MICOS10: variants seen among roughly 807,000 people sequenced by gnomAD.
MICOS10 encodes the protein MICOS complex subunit MIC10.
In MICOS10, 5 loss-of-function variants were observed where a neutral mutation model predicts 13.4. The observed-to-expected ratio is 0.37, with a 90% CI of 0.20 to 0.78. The LOEUF is 0.78. Ranked by LOEUF, MICOS10 falls within the 30% of genes least tolerant of loss-of-function variation. The pLI is 0.47. For synonymous variants in MICOS10, 35 were observed against 33.6 expected, an observed-to-expected ratio of 1.04 and a Z score of -0.15; for missense variants, 101 against 94.6, an observed-to-expected ratio of 1.07 and a Z score of -0.28.
chr1:19,622,103 C>T lies in MICOS10; in HGVS notation c.68C>T (p.Thr23Ile). 1 of 1,611,246 alleles carries T rather than the reference C, an allele frequency of 6.2e-7. No homozygotes were observed. Residue 23 changes from threonine (T) to isoleucine (I), a missense_variant, in exon 2 of 4, where the codon ACT becomes ATT. Thr to Ile is a moderately conservative substitution (Grantham distance 89). Transcript: ENST00000322753. Reference sequence around the variant, plus strand: ...TGTTTTTTCTCCCTCTTTGTAGGTACTGGTTTTGGATTAGGAATTGTTTTC... The same window carrying T: ...TGTTTTTTCTCCCTCTTTGTAGGTATTGGTTTTGGATTAGGAATTGTTTTC... ...CLADAVVKIG[T>I]GFGLGIVFSL...
chr1:19,608,073 T>TAAG, intron 1 of MICOS10: 1 of 834,784 alleles, frequency 1.2e-6, no homozygotes, highest in Non-Finnish European at 2.1e-6. Flanking sequence ...ATAAAACCTA[T>TAAG]AAGAGCTTTC....
intron 1 of MICOS10, among the ~76,000 whole-genome samples, chr1:19,600,358 T>C (rs1272662624): frequency 6.6e-6 from 1 of 152,172 alleles, no homozygotes; most frequent in Non-Finnish European, 1.5e-5. Flanking sequence ...GTCTGAGTCG[T>C]CTTTGAAACC....
At chr1:19,625,279 G>A (rs2094917955) in intron 3 of MICOS10, 3 of 1,101,522 alleles carry the variant, frequency 2.7e-6, no homozygotes, top group Admixed American at 3.1e-5. Context: ...AACAAGTAGA[G>A]TGGAAAATGT....
At chr1:19,608,516 A>G in intron 1 of MICOS10, 1 of 1,084,142 alleles carries the variant, frequency 9.2e-7, no homozygotes, top group African/African-American at 1.5e-5. Context: ...CGTCACCCCC[A>G]TCCCCTCTGA....
chr1:19,629,474 G>C lies in MICOS10; in HGVS notation c.*3073G>C, dbSNP rs997323524. On this transcript the variant is annotated 3_prime_UTR_variant, in exon 4 of 4. Coordinates refer to ENST00000322753, the MANE Select transcript of MICOS10 (RefSeq NM_001032363.4). ...CTTTGGCATTCCATGTACCCACTAG[G>C]GGAAGCTTTATCAGGCTGCATTTGC... is the stretch of plus-strand genomic sequence containing the variant. The C allele has an allele frequency of 6.6e-6, 1 of 152,198 alleles. No homozygotes were observed. The allele number at this position is 152,198 out of a possible 1,614,324, so 9.4% of individuals were successfully genotyped here. A position where few individuals can be genotyped will look rare whatever the true frequency, so the allele number is the denominator to read the frequency against.
chr1:19,603,132 C>T (rs1203294593), intron 1 of MICOS10, among the ~76,000 whole-genome samples: 1 of 151,998 alleles, frequency 6.6e-6, no homozygotes, highest in Non-Finnish European at 1.5e-5. Context: ...GAGTTCGAGA[C>T]CAGCCTGGAC....
chr1:19,601,248 A>T (rs538665746), intron 1 of MICOS10: 447 of 339,034 alleles, frequency 1.3e-3, no homozygotes, highest in South Asian at 1.7e-3. Flanking sequence ...AGAGGCATTT[A>T]TTTATAAATA....
intron 1 of MICOS10, among the ~76,000 whole-genome samples, chr1:19,613,842 C>G (rs555002943): frequency 3.9e-5 from 6 of 152,172 alleles, no homozygotes; most frequent in Non-Finnish European, 8.8e-5. Context: ...AGCACCACGC[C>G]TCTGGAGTCA....
chr1:19,620,411 T>A lies in MICOS10; in HGVS notation c.65-1689T>A, dbSNP rs1473376211. Among the ~76,000 whole-genome samples the A allele has an allele frequency of 2.6e-5, 4 of 152,240 alleles. No individual in the cohort carries two copies. In the East Asian group the frequency reaches 5.8e-4, roughly 22 times the overall value. On this transcript the variant is annotated intron_variant, in intron 1 of 3. Coordinates refer to ENST00000322753, the MANE Select transcript of MICOS10 (RefSeq NM_001032363.4). Reference sequence around the variant, plus strand: ...CACCATTGTTTATCTTTTAAGTAACTGAGATAGCTAACTTTAAGTAAAACA... The same window carrying A: ...CACCATTGTTTATCTTTTAAGTAACAGAGATAGCTAACTTTAAGTAAAACA...
rs12094411 is a variant in MICOS10 at position 19,602,248 on chromosome 1, G to A, written c.64+5139G>A. ...TGTATTGCTGAGAATTTTGTAGACCGTTCTCTGCCCATATTTGCTTCTCAG... is the reference window on the plus strand; with the variant it reads ...TGTATTGCTGAGAATTTTGTAGACCATTCTCTGCCCATATTTGCTTCTCAG... On this transcript the variant is annotated intron_variant, in intron 1 of 3. Transcript: ENST00000322753. 6.2e-3 allele frequency among the ~76,000 whole-genome samples: 941 copies of A among 152,238 alleles called. 3 individuals are homozygous for A. Among genetic ancestry groups the A allele is most frequent in the African/African-American group, 0.021 (885 of 41,526 alleles).
intron 1 of MICOS10, 149 bp downstream of exon 1, chr1:19,597,258 C>G (rs2094795491): frequency 1.2e-6 from 1 of 804,986 alleles, no homozygotes; most frequent in Non-Finnish European, 1.9e-6. Flanking sequence ...CCGCCCGGGC[C>G]CCGGCGGGAG....
chr1:19,613,595 C>T lies in MICOS10; in HGVS notation c.65-8505C>T, dbSNP rs183967234. 1.3e-3 allele frequency among the ~76,000 whole-genome samples: 194 copies of T among 152,272 alleles called. 1 individual carries two copies. Among genetic ancestry groups the T allele is most frequent in the South Asian group, 4.8e-3 (23 of 4,824 alleles). ...CTTTGTGGGTCTGATTATCAGTTGG[C>T]TCCAACACTGGAACAGTGAACATAG... is the stretch of plus-strand genomic sequence containing the variant. On this transcript the variant is annotated intron_variant, in intron 1 of 3. Coordinates refer to ENST00000322753, the MANE Select transcript of MICOS10 (RefSeq NM_001032363.4).
chr1:19,612,827 T>A (rs1361167537), intron 1 of MICOS10, among the ~76,000 whole-genome samples: 1 of 152,232 alleles, frequency 6.6e-6, no homozygotes, highest in East Asian at 1.9e-4. Flanking sequence ...CCTTTTCAGA[T>A]GCTGACTTCG....
Position 19,613,275 on chromosome 1 carries a change from A to G in MICOS10, c.65-8825A>G, listed in dbSNP as rs138644783. Among the ~76,000 whole-genome samples, 306 of 152,308 alleles carry G rather than the reference A, an allele frequency of 2.0e-3. 1 individual carries two copies. The highest frequency in any genetic ancestry group is 6.5e-3 in the African/African-American group (269 of 41,562). Reference sequence around the variant, plus strand: ...TGGCGGCTTCTTCAGATCTGTCCTCATTGCTGCCAGAGTGAACTACATAAA... The same window carrying G: ...TGGCGGCTTCTTCAGATCTGTCCTCGTTGCTGCCAGAGTGAACTACATAAA... On this transcript the variant is annotated intron_variant, in intron 1 of 3. Transcript: ENST00000322753.
chr1:19,597,194 C>T, intron 1 of MICOS10, 85 bp downstream of exon 1: 1 of 1,424,360 alleles, frequency 7.0e-7, no homozygotes, highest in Non-Finnish European at 9.6e-7. Flanking sequence ...GGAAGGGAAG[C>T]CCCACGGGAG....
chr1:19,609,044 C>T lies in MICOS10; in HGVS notation c.64+11935C>T, dbSNP rs529952181. On this transcript the variant is annotated intron_variant, in intron 1 of 3. Coordinates refer to ENST00000322753, the MANE Select transcript of MICOS10 (RefSeq NM_001032363.4). ...TTTTTGAGATGGGATCTCACTCTGTCGCTCTGGCTGGAGTGCAGTGGCACA... is the reference window on the plus strand; with the variant it reads ...TTTTTGAGATGGGATCTCACTCTGTTGCTCTGGCTGGAGTGCAGTGGCACA... 2.8e-3 allele frequency among the ~76,000 whole-genome samples: 321 copies of T among 116,514 alleles called. 1 individual carries two copies. The highest frequency in any genetic ancestry group is 0.01 in the African/African-American group (302 of 29,794). 76.4% of individuals were successfully genotyped at this position (116,514 alleles called of 152,430 possible). A position where few individuals can be genotyped will look rare whatever the true frequency, so the allele number is the denominator to read the frequency against.
intron 1 of MICOS10, among the ~76,000 whole-genome samples, chr1:19,609,361 T>C (rs1205689463): frequency 1.3e-5 from 2 of 152,192 alleles, no homozygotes; most frequent in African/African-American, 2.4e-5. Flanking sequence ...TTAATTAAGC[T>C]GTGGAACAAC....
intron 1 of MICOS10, among the ~76,000 whole-genome samples, chr1:19,619,627 G>C (rs2094896342): frequency 6.6e-6 from 1 of 152,092 alleles, no homozygotes; most frequent in African/African-American, 2.4e-5. Context: ...AGAGTTTTCT[G>C]TTCTTTTTAC....
chr1:19,608,108 G>T, intron 1 of MICOS10: 1 of 1,000,792 alleles, frequency 1.0e-6, no homozygotes, highest in Non-Finnish European at 1.6e-6. Context: ...GAGACGACGT[G>T]CAGAAATGGC....
Sources: allele counts gnomAD v4.1 joint callset (sites outside exome capture counted in the v4.1 genomes callset), GRCh38; gene constraint gnomAD v4.1.1; transcripts MANE v1.5; gene names NCBI Gene and HGNC (gene_info 2026-07-23, HGNC 2026-07-21).